Variants in TMEM132D observed in about 807,000 individuals in gnomAD.
TMEM132D encodes the protein transmembrane protein 132D, also known as mature OL transmembrane protein.
A neutral mutation model predicts 62.3 loss-of-function variants in TMEM132D; 21 were observed. That is an observed-to-expected ratio of 0.34 (90% CI 0.24 to 0.49). The LOEUF is 0.49. Among genes scored for constraint, TMEM132D ranks in the 20% least tolerant of loss-of-function variants. The pLI, the probability that TMEM132D is intolerant of heterozygous loss-of-function variation, is 0.99. For missense variants in TMEM132D, 1,346 were observed against 1,402.8 expected (o/e 0.96, Z 0.65); for synonymous variants, 621 against 575.6 (o/e 1.08, Z -1.13).
At chr12:129,153,798 G>T (rs1203283363) in intron 5 of TMEM132D, among the ~76,000 whole-genome samples, 3 of 152,080 alleles carry the variant, frequency 2.0e-5, no homozygotes, top group Non-Finnish European at 4.4e-5. Flanking sequence ...TGGCTTGCTG[G>T]GGTGGCGGTT....
chr12:129,567,319 T>A (rs534467954), intron 2 of TMEM132D, among the ~76,000 whole-genome samples: 1 of 152,286 alleles, frequency 6.6e-6, no homozygotes, highest in South Asian at 2.1e-4. Context: ...TATTATACAA[T>A]CACGTGTAGA....
At chr12:129,588,028 G>A (rs941687198) in intron 2 of TMEM132D, among the ~76,000 whole-genome samples, 33 of 152,230 alleles carry the variant, frequency 2.2e-4, no homozygotes, top group African/African-American at 7.7e-4. Context: ...GCTTCTGATG[G>A]CTGCCCAGAC....
At chr12:129,122,885 C>T (rs1876106994) in intron 5 of TMEM132D, among the ~76,000 whole-genome samples, 1 of 152,128 alleles carries the variant, frequency 6.6e-6, no homozygotes, top group Non-Finnish European at 1.5e-5. Context: ...ACATTGATGA[C>T]AAACTGGTTA....
At chr12:129,298,588 A>T (rs1416331716) in intron 4 of TMEM132D, among the ~76,000 whole-genome samples, 1 of 152,146 alleles carries the variant, frequency 6.6e-6, no homozygotes, top group Admixed American at 6.5e-5. Context: ...CTGTGTACCC[A>T]TTAACCAGCC....
intron 3 of TMEM132D, among the ~76,000 whole-genome samples, chr12:129,494,992 C>G (rs925031192): frequency 6.6e-6 from 1 of 152,132 alleles, no homozygotes; most frequent in Non-Finnish European, 1.5e-5. Flanking sequence ...CAGGCACATA[C>G]GCTTGGTGTT....
At chr12:129,436,347 C>T (rs186680847) in intron 3 of TMEM132D, among the ~76,000 whole-genome samples, 3 of 152,124 alleles carry the variant, frequency 2.0e-5, no homozygotes, top group African/African-American at 4.8e-5. Flanking sequence ...TCATAGCTAC[C>T]GCATGCATCA....
In TMEM132D at chr12:129,513,899, A is replaced by G. The variant is rs576338906; in HGVS notation, c.1115+17160T>C. Among the ~76,000 whole-genome samples, 103 of 139,086 alleles carry G rather than the reference A, an allele frequency of 7.4e-4. 1 individual carries two copies. Among genetic ancestry groups the G allele is most frequent in the East Asian group, 9.1e-4 (4 of 4,374 alleles). 91.2% of individuals were successfully genotyped at this position (139,086 alleles called of 152,430 possible). On this transcript the variant is annotated intron_variant, in intron 3 of 8. Coordinates refer to ENST00000422113, the MANE Select transcript of TMEM132D (RefSeq NM_133448.3). ...GTCGCCCAGGCTGGAGTGCAGTGGC[A>G]CGATCTCGGCTGACTGCAAGCTCCG...
chr12:129,129,659 T>C (rs947970901), intron 5 of TMEM132D, among the ~76,000 whole-genome samples: 11 of 152,202 alleles, frequency 7.2e-5, no homozygotes, highest in Admixed American at 4.6e-4. Flanking sequence ...TGTTGTTTCT[T>C]GACTTTTTAA....
intron 3 of TMEM132D, among the ~76,000 whole-genome samples, chr12:129,462,755 T>G (rs1483343036): frequency 6.6e-6 from 1 of 152,224 alleles, no homozygotes; most frequent in East Asian, 1.9e-4. Context: ...TTATTTTGTC[T>G]AATTAATAAT....
chr12:129,287,017 C>T (rs969770118), intron 4 of TMEM132D, among the ~76,000 whole-genome samples: 13 of 150,774 alleles, frequency 8.6e-5, no homozygotes, highest in South Asian at 2.1e-4. Flanking sequence ...CACTGTACTC[C>T]AGCCTGGGCA....
At chr12:129,850,586 CTTG>C (rs1873507555) in intron 1 of TMEM132D, among the ~76,000 whole-genome samples, 1 of 152,140 alleles carries the variant, frequency 6.6e-6, no homozygotes. Context: ...GGTTTGTTTG[CTTG>C]CAGGGGTCTA....
chr12:129,281,346 C>T (rs938640823), intron 4 of TMEM132D, among the ~76,000 whole-genome samples: 17 of 151,882 alleles, frequency 1.1e-4, no homozygotes, highest in Non-Finnish European at 2.4e-4. Context: ...ACACACACAA[C>T]TGTGGCACTT....
chr12:129,151,886 T>TG (rs1877082813), intron 5 of TMEM132D, among the ~76,000 whole-genome samples: 1 of 151,598 alleles, frequency 6.6e-6, no homozygotes, highest in Non-Finnish European at 1.5e-5. Context: ...CAACCTTTTT[T>TG]TTTTTTTTTT....
intron 2 of TMEM132D, among the ~76,000 whole-genome samples, chr12:129,656,728 C>T (rs1007022482): frequency 3.3e-5 from 5 of 152,210 alleles, no homozygotes; most frequent in Non-Finnish European, 1.5e-5. Flanking sequence ...CTTTTGAGCA[C>T]TTACTGTGCT....
intron 3 of TMEM132D, among the ~76,000 whole-genome samples, chr12:129,470,381 G>A (rs568668303): frequency 5.3e-5 from 8 of 152,186 alleles, no homozygotes; most frequent in Non-Finnish European, 1.0e-4. Flanking sequence ...CTGCCAACAC[G>A]TGTAGTGTAG....
At chr12:129,437,847 G>A (rs1032668075) in intron 3 of TMEM132D, among the ~76,000 whole-genome samples, 10 of 150,642 alleles carry the variant, frequency 6.6e-5, no homozygotes, top group South Asian at 2.1e-4. Flanking sequence ...CCATCAACCC[G>A]TCATCTACAT....
chr12:129,508,625 A>G (rs990187118), intron 3 of TMEM132D, among the ~76,000 whole-genome samples: 2 of 152,144 alleles, frequency 1.3e-5, no homozygotes, highest in Admixed American at 6.5e-5. Flanking sequence ...CCCCATAAAG[A>G]GGAAATAAGA....
chr12:129,170,794 C>T (rs533513277), intron 5 of TMEM132D, among the ~76,000 whole-genome samples: 1 of 133,512 alleles, frequency 7.5e-6, no homozygotes, highest in African/African-American at 2.7e-5. Context: ...AGCGACCCAG[C>T]GAGACTCCAA....
intron 3 of TMEM132D, among the ~76,000 whole-genome samples, chr12:129,378,823 C>T: frequency 6.6e-6 from 1 of 152,152 alleles, no homozygotes; most frequent in East Asian, 1.9e-4. Context: ...TTGGAAAGTT[C>T]AATCAACAGG....
Sources: allele counts gnomAD v4.1 joint callset (sites outside exome capture counted in the v4.1 genomes callset), GRCh38; gene constraint gnomAD v4.1.1; transcripts MANE v1.5; gene names NCBI Gene and HGNC (gene_info 2026-07-23, HGNC 2026-07-21).